Variants in PIDD1 observed in about 807,000 individuals in gnomAD.
PIDD1 encodes the protein p53-induced death domain protein 1.
Under a neutral mutation model 80.0 loss-of-function variants are expected in PIDD1, and 72 were observed. The observed-to-expected ratio is 0.90, with a 90% confidence interval of 0.74 to 1.09. The LOEUF is 1.09. Ranked by LOEUF, PIDD1 falls within the 50% of genes least tolerant of loss-of-function variation. The pLI is 0.00. For missense variants in PIDD1, 1,329 were observed against 1,228.3 expected (o/e 1.08, Z -1.23); for synonymous variants, 655 against 543.5 (o/e 1.21, Z -2.85).
Position 800,555 on chromosome 11 carries a change from C to T in PIDD1, c.2029G>A (p.Asp677Asn), listed in dbSNP as rs767121007. 8.7e-6 allele frequency: 14 copies of T among 1,609,294 alleles called. No homozygotes were observed. Among genetic ancestry groups the T allele is most frequent in the East Asian group, 2.2e-5 (1 of 44,884 alleles). Residue 677 changes from aspartate to asparagine, a missense_variant, in exon 12 of 16, where the codon GAC (aspartate) becomes AAC (asparagine). Coordinates refer to ENST00000347755, the MANE Select transcript of PIDD1 (RefSeq NM_145886.4). ...EFFAAFERGIDVDADRPDCVE... is the reference protein window; with the variant it reads ...EFFAAFERGINVDADRPDCVE... Reference sequence around the variant, plus strand: ...CCAGCATCCCTACCAGCATCCACGTCGATGCCGCGCTCGAAGGCCGCAAAG... The same window carrying T: ...CCAGCATCCCTACCAGCATCCACGTTGATGCCGCGCTCGAAGGCCGCAAAG...
upstream of PIDD1, among the ~76,000 whole-genome samples, chr11:808,460 A>G (rs1261408122): frequency 6.7e-6 from 1 of 149,328 alleles, no homozygotes; most frequent in Non-Finnish European, 1.5e-5. Flanking sequence ...CGGGCGCGGT[A>G]GCTCACGCCT....
chr11:803,280 G>C lies in PIDD1; in HGVS notation c.603C>G (p.Leu201=). Residue 201 remains leucine, a synonymous_variant, in exon 3 of 16, where the codon CTC becomes CTG. Coordinates refer to ENST00000347755, the MANE Select transcript of PIDD1 (RefSeq NM_145886.4). ...GALSTLQRLD[L]SQNLLDTLPP... Reference sequence around the variant, plus strand: ...GTAGCGTGTCCAGCAGATTCTGAGAGAGATCGAGGCGCTGCAGGGTGGATA... The same window carrying C: ...GTAGCGTGTCCAGCAGATTCTGAGACAGATCGAGGCGCTGCAGGGTGGATA... 1 of 1,613,812 alleles carries C rather than the reference G, an allele frequency of 6.2e-7. No individual in the cohort carries two copies. Among genetic ancestry groups the C allele is most frequent in the East Asian group, 2.2e-5 (1 of 44,880 alleles).
At chr11:803,907 TG>T in intron 2 of PIDD1, 186 bp downstream of exon 2, 3 of 702,196 alleles carry the variant, frequency 4.3e-6, no homozygotes, top group South Asian at 1.9e-5. Context: ...AGCCCCACAC[TG>T]GGGGTGGTGA....
At chr11:807,009 T>C (rs1865806241), upstream of PIDD1, among the ~76,000 whole-genome samples, 1 of 152,152 alleles carries the variant, frequency 6.6e-6, no homozygotes. Context: ...CTGGCCAATA[T>C]GGTGAAACCG....
chr11:804,545 G>T (rs1865646308), intron 1 of PIDD1, 82 bp from the exon 2 acceptor site: 2 of 1,359,024 alleles, frequency 1.5e-6, no homozygotes, highest in African/African-American at 2.9e-5. Flanking sequence ...ATGGAGTGGG[G>T]AGCTCTAGAG....
intron 2 of PIDD1, 109 bp from the exon 3 acceptor site, chr11:803,696 AC>A: frequency 8.3e-7 from 1 of 1,202,582 alleles, no homozygotes; most frequent in Non-Finnish European, 1.1e-6. Flanking sequence ...CTCCCACCCC[AC>A]CCCCACCCCA....
At position 799,196 on chromosome 11, in the gene PIDD1, T is replaced by A. The variant is rs989806044; in HGVS notation, c.*111A>T. The stretch of plus-strand genomic sequence containing the variant: ...TCAAGCTCTGAGGTGAAAGAAACAG[T>A]GCAGTTTTGTTGCTCACAGGGACCC... On this transcript the variant is annotated 3_prime_UTR_variant, in exon 16 of 16. Transcript: ENST00000347755. 5.5e-6 allele frequency: 6 copies of A among 1,082,962 alleles called. No homozygotes were observed. The African/African-American group carries it at 7.9e-5, about 14-fold the overall frequency. The allele number at this position is 1,082,962 out of a possible 1,614,324, so 67.1% of individuals were successfully genotyped here. A position where few individuals can be genotyped will look rare whatever the true frequency, so the allele number is the denominator to read the frequency against.
chr11:803,278 G>C lies in PIDD1; in HGVS notation c.605C>G (p.Ser202Cys). 1 of 1,613,796 alleles carries C rather than the reference G, an allele frequency of 6.2e-7. No homozygotes were observed. The highest frequency in any genetic ancestry group is 2.2e-5 in the East Asian group (1 of 44,880). The change falls in exon 3 of 16, where the codon TCT becomes TGT. Residue 202 changes from serine to cysteine, a missense_variant. By Grantham distance (112) the Ser-to-Cys change is moderately radical. Transcript: ENST00000347755. ...AGGTAGCGTGTCCAGCAGATTCTGAGAGAGATCGAGGCGCTGCAGGGTGGA... is the reference window on the plus strand; with the variant it reads ...AGGTAGCGTGTCCAGCAGATTCTGACAGAGATCGAGGCGCTGCAGGGTGGA... ...ALSTLQRLDL[S>C]QNLLDTLPPE...
chr11:803,339 G>A lies in PIDD1; in HGVS notation c.544C>T (p.Arg182Cys), dbSNP rs200829634. 44 of 1,613,984 alleles carry A rather than the reference G, an allele frequency of 2.7e-5. No individual in the cohort carries two copies. The highest frequency in any genetic ancestry group is 1.3e-4 in the East Asian group (6 of 44,890). Residue 182 changes from arginine (R) to cysteine (C), a missense_variant, in exon 3 of 16, where the codon CGC becomes TGC. Coordinates refer to ENST00000347755, the MANE Select transcript of PIDD1 (RefSeq NM_145886.4). ...AGTGCTGGGGGCAGCGTCTGCAGGC[G>A]GTTGTGTGTCACTGTGAGGAAGGTG... ...ALTFLTVTHN[R>C]LQTLPPALGA...
At chr11:804,551 T>G in intron 1 of PIDD1, 88 bp from the exon 2 acceptor site, 31 of 1,332,464 alleles carry the variant, frequency 2.3e-5, no homozygotes, top group Non-Finnish European at 3.0e-5. Flanking sequence ...TGGGGAGCTC[T>G]AGAGCCAGGC....
In PIDD1 at chr11:801,317, C is replaced by T; in HGVS notation, c.1531G>A (p.Glu511Lys). Residue 511 changes from glutamate to lysine, a missense_variant, in exon 9 of 16, where the codon GAG becomes AAG. By Grantham distance (56) the Glu-to-Lys change is moderately conservative. Transcript: ENST00000347755. ...CACAGCAGGGGGCTCACTGCAGCCT[C>T]TGGTTCTCCCAGGAGGGCCTGCAGC... ...RELQALLGEP[E>K]AAVSPLLCLS... 1 of 1,606,862 alleles carries T rather than the reference C, an allele frequency of 6.2e-7. No homozygotes were observed. Among genetic ancestry groups the T allele is most frequent in the Non-Finnish European group, 8.5e-7 (1 of 1,176,636 alleles).
chr11:803,987 G>C (rs1485930306), intron 2 of PIDD1, 107 bp downstream of exon 2: 2 of 1,274,910 alleles, frequency 1.6e-6, no homozygotes, highest in African/African-American at 1.5e-5. Flanking sequence ...GAGCCGGGAG[G>C]GGCGGCCTGG....
upstream of PIDD1, among the ~76,000 whole-genome samples, chr11:807,074 C>A (rs998552544): frequency 6.6e-6 from 1 of 152,106 alleles, no homozygotes; most frequent in African/African-American, 2.4e-5. Context: ...CGCCTGTAAT[C>A]CCAGCTACTG....
Position 803,535 on chromosome 11 carries a change from G to A in PIDD1, c.348C>T (p.Asn116=), listed in dbSNP as rs111872411. ...LGACLRGALT[N]LPAGLSGLAH... ...CCAGGCCACTCAGACCAGCGGGCAGGTTGGTCAGGGCACCCCGGAGACAGG... is the reference window on the plus strand; with the variant it reads ...CCAGGCCACTCAGACCAGCGGGCAGATTGGTCAGGGCACCCCGGAGACAGG... Residue 116 remains asparagine (N), a synonymous_variant, in exon 3 of 16, where the codon AAC becomes AAT. Transcript: ENST00000347755. The A allele has an allele frequency of 2.6e-3, 4,242 of 1,613,182 alleles. 96 individuals carry two copies. In the African/African-American group the frequency reaches 0.045, roughly 17 times the overall value.
Position 802,230 on chromosome 11 carries a change from G to A in PIDD1, c.1141C>T (p.Leu381=), listed in dbSNP as rs777886792. Residue 381 remains leucine (L), a synonymous_variant, in exon 6 of 16, where the codon CTG becomes TTG. Transcript: ENST00000347755. ...GCCACCCCATGGGGCTGCAGCTCCAGCACATGGCTGAGCAGGGCGTCATGA... is the reference window on the plus strand; with the variant it reads ...GCCACCCCATGGGGCTGCAGCTCCAACACATGGCTGAGCAGGGCGTCATGA... ...GPHDALLSHV[L]ELQPHGVAFQ... The A allele has an allele frequency of 2.4e-5, 38 of 1,611,310 alleles. No individual in the cohort carries two copies. Among genetic ancestry groups the A allele is most frequent in the Non-Finnish European group, 3.1e-5 (37 of 1,179,288 alleles).
intron 3 of PIDD1, 43 bp downstream of exon 3, chr11:803,131 C>A: frequency 1.4e-6 from 2 of 1,406,098 alleles, no homozygotes; most frequent in Non-Finnish European, 2.0e-6. Flanking sequence ...GCTTCAGGGA[C>A]CCTCCCGTGG....
chr11:802,902 T>G lies in PIDD1; in HGVS notation c.710-11A>C, dbSNP rs28360884. 0.66 allele frequency: 1,031,630 copies of G among 1,552,240 alleles called. 345,783 individuals are homozygous for G. The highest frequency in any genetic ancestry group is 0.73 in the Admixed American group (37,674 of 51,332). Reference sequence around the variant, plus strand: ...AGGACCGAAGTCCCGCTGCGGGCAGTTGCTGGCTTAGGCTTGGCACCAGCC... The same window carrying G: ...AGGACCGAAGTCCCGCTGCGGGCAGGTGCTGGCTTAGGCTTGGCACCAGCC... On this transcript the variant is annotated splice_polypyrimidine_tract_variant and intron_variant, in intron 3 of 15. Transcript: ENST00000347755.
chr11:803,666 G>A, intron 2 of PIDD1, 79 bp from the exon 3 acceptor site: 1 of 1,510,748 alleles, frequency 6.6e-7, no homozygotes, highest in Non-Finnish European at 8.9e-7. Flanking sequence ...CAGAGAAACA[G>A]CTGCTCGAGA....
Position 800,570 on chromosome 11 carries a change from A to G in PIDD1, c.2014T>C (p.Phe672Leu), listed in dbSNP as rs1158727147. ...GCATCCACGTCGATGCCGCGCTCGA[A>G]GGCCGCAAAGAACTCTTCGCCCTCG... ...MFEGEEFFAA[F>L]ERGIDVDADR... Residue 672 changes from phenylalanine to leucine, a missense_variant, in exon 12 of 16, where the codon TTC (phenylalanine) becomes CTC (leucine). Coordinates refer to ENST00000347755, the MANE Select transcript of PIDD1 (RefSeq NM_145886.4). The G allele has an allele frequency of 6.4e-7, 1 of 1,562,648 alleles. No individual in the cohort carries two copies. Among genetic ancestry groups the G allele is most frequent in the South Asian group, 1.1e-5 (1 of 87,556 alleles).
Sources: gnomAD v4.1 joint callset for allele counts (sites outside exome capture counted in the v4.1 genomes callset) on GRCh38, gnomAD v4.1.1 for gene constraint, MANE v1.5 for transcripts, NCBI Gene and HGNC (gene_info 2026-07-23, HGNC 2026-07-21) for gene names.